The following MAN1A1 variants were observed in gnomAD, a reference collection of about 807,000 sequenced individuals.
MAN1A1 encodes the protein mannosyl-oligosaccharide 1,2-alpha-mannosidase IA.
Under a neutral mutation model 70.8 loss-of-function variants are expected in MAN1A1, and 29 were observed. That is an observed-to-expected ratio of 0.41 (90% CI 0.31 to 0.56). The LOEUF (loss-of-function observed/expected upper bound fraction) is 0.56. Ranked by LOEUF, MAN1A1 falls within the 20% of genes least tolerant of loss-of-function variation. The pLI, the probability that MAN1A1 is intolerant of heterozygous loss-of-function variation, is 0.29. For synonymous variants in MAN1A1, 349 were observed against 330.1 expected (o/e 1.06, Z -0.62); for missense variants, 747 against 841.3 (o/e 0.89, Z 1.39).
At chr6:119,343,917 C>T (rs1005154397) in intron 2 of MAN1A1, among the ~76,000 whole-genome samples, 3 of 152,318 alleles carry the variant, frequency 2.0e-5, no homozygotes, top group Non-Finnish European at 2.9e-5. Context: ...CAGCCCTCAT[C>T]CCTCACACGG....
At chr6:119,258,414 C>T (rs1424023553) in intron 5 of MAN1A1, among the ~76,000 whole-genome samples, 4 of 152,226 alleles carry the variant, frequency 2.6e-5, no homozygotes, top group East Asian at 3.9e-4. Context: ...GTCATTATTC[C>T]TAAACTACAC....
At chr6:119,205,831 G>T (rs1463954540) in intron 6 of MAN1A1, among the ~76,000 whole-genome samples, 1 of 152,218 alleles carries the variant, frequency 6.6e-6, no homozygotes, top group African/African-American at 2.4e-5. Flanking sequence ...CCTACTATTT[G>T]CTAGGACTAT....
At chr6:119,326,319 G>A (rs948520390) in intron 2 of MAN1A1, among the ~76,000 whole-genome samples, 6 of 152,160 alleles carry the variant, frequency 3.9e-5, no homozygotes, top group African/African-American at 1.4e-4. Flanking sequence ...CGGAAAAGAC[G>A]GACAGCTCTA....
chr6:119,266,014 G>A (rs1364455468), intron 5 of MAN1A1, among the ~76,000 whole-genome samples: 1 of 152,060 alleles, frequency 6.6e-6, no homozygotes, highest in African/African-American at 2.4e-5. Flanking sequence ...ATACCATTGT[G>A]AGCACACACC....
At chr6:119,230,226 T>G (rs113576364) in intron 6 of MAN1A1, among the ~76,000 whole-genome samples, 1 of 152,204 alleles carries the variant, frequency 6.6e-6, no homozygotes, top group African/African-American at 2.4e-5. Flanking sequence ...TCTAAAACGA[T>G]CGCTCCTGAT....
At chr6:119,301,785 T>C (rs1181580166) in intron 4 of MAN1A1, among the ~76,000 whole-genome samples, 1 of 152,214 alleles carries the variant, frequency 6.6e-6, no homozygotes, top group Non-Finnish European at 1.5e-5. Flanking sequence ...TTTCTCTTAC[T>C]CTTCATTTGC....
At chr6:119,241,870 G>C (rs1775012874) in intron 6 of MAN1A1, among the ~76,000 whole-genome samples, 1 of 151,926 alleles carries the variant, frequency 6.6e-6, no homozygotes, top group Admixed American at 6.6e-5. Context: ...ACAGACTGGG[G>C]GAAGGGAAAG....
chr6:119,315,755 A>C (rs1034626358), intron 2 of MAN1A1, among the ~76,000 whole-genome samples: 1 of 152,208 alleles, frequency 6.6e-6, no homozygotes, highest in South Asian at 2.1e-4. Flanking sequence ...AGGAAGCACT[A>C]TTGCTGAGAA....
At chr6:119,252,427 G>A (rs553619411) in intron 5 of MAN1A1, among the ~76,000 whole-genome samples, 16 of 152,272 alleles carry the variant, frequency 1.1e-4, no homozygotes, top group Admixed American at 2.6e-4. Flanking sequence ...GTAAGGCAGC[G>A]GAGACAACCT....
chr6:119,335,689 TGTA>T (rs1453688773), intron 2 of MAN1A1, among the ~76,000 whole-genome samples: 1 of 151,856 alleles, frequency 6.6e-6, no homozygotes, highest in Non-Finnish European at 1.5e-5. Flanking sequence ...AGGTTGAGAG[TGTA>T]GAGAGGGCTT....
chr6:119,317,860 A>G (rs1772897051), intron 2 of MAN1A1, among the ~76,000 whole-genome samples: 1 of 152,074 alleles, frequency 6.6e-6, no homozygotes, highest in Non-Finnish European at 1.5e-5. Context: ...AATGTCACAT[A>G]TTATAGGAAA....
chr6:119,253,827 G>A (rs183226612), intron 5 of MAN1A1, among the ~76,000 whole-genome samples: 24 of 152,246 alleles, frequency 1.6e-4, no homozygotes, highest in Admixed American at 3.3e-4. Flanking sequence ...GCTCCATCCC[G>A]TTCCACTAGT....
chr6:119,344,831 A>G (rs780798605), intron 2 of MAN1A1, among the ~76,000 whole-genome samples: 4 of 152,238 alleles, frequency 2.6e-5, no homozygotes, highest in Non-Finnish European at 4.4e-5. Flanking sequence ...AGCCATCAAT[A>G]TGAAAATGTT....
intron 2 of MAN1A1, among the ~76,000 whole-genome samples, chr6:119,335,440 T>G (rs1000327491): frequency 2.6e-5 from 4 of 152,254 alleles, no homozygotes; most frequent in African/African-American, 9.6e-5. Flanking sequence ...TCTGCCATAC[T>G]GCCTCACATT....
At chr6:119,315,740 T>C (rs1481387533) in intron 2 of MAN1A1, among the ~76,000 whole-genome samples, 1 of 152,204 alleles carries the variant, frequency 6.6e-6, no homozygotes, top group African/African-American at 2.4e-5. Flanking sequence ...CCATTCCTTT[T>C]TGGAAGGAAG....
intron 8 of MAN1A1, among the ~76,000 whole-genome samples, chr6:119,198,346 T>C (rs557390607): frequency 2.0e-5 from 3 of 152,258 alleles, no homozygotes; most frequent in East Asian, 3.9e-4. Flanking sequence ...GCTGAGGCTG[T>C]GCCACTGCAC....
At chr6:119,282,319 G>C (rs913584464) in intron 5 of MAN1A1, among the ~76,000 whole-genome samples, 1 of 152,130 alleles carries the variant, frequency 6.6e-6, no homozygotes, top group African/African-American at 2.4e-5. Context: ...ACAAGATAGG[G>C]CTTATGCAGA....
upstream of MAN1A1, among the ~76,000 whole-genome samples, chr6:119,350,295 G>A (rs899774412): frequency 6.6e-6 from 1 of 152,164 alleles, no homozygotes; most frequent in African/African-American, 2.4e-5. Context: ...ATCCAAGGCC[G>A]GGGTTCCCCG....
intron 2 of MAN1A1, among the ~76,000 whole-genome samples, chr6:119,318,475 G>A (rs1772913394): frequency 6.6e-6 from 1 of 152,096 alleles, no homozygotes; most frequent in South Asian, 2.1e-4. Flanking sequence ...GCAATCTGGG[G>A]GAAACTTGGC....
Sources: allele counts gnomAD v4.1 joint callset (sites outside exome capture counted in the v4.1 genomes callset), GRCh38; gene constraint gnomAD v4.1.1; transcripts MANE v1.5; gene names NCBI Gene and HGNC (gene_info 2026-07-23, HGNC 2026-07-21).